The following ATRNL1 variants were observed in gnomAD, a reference collection of about 807,000 sequenced individuals.
ATRNL1 encodes the protein attractin-like protein 1.
Under a neutral mutation model 182.7 loss-of-function variants are expected in ATRNL1, and 95 were observed. The observed-to-expected ratio is 0.52, with a 90% CI of 0.44 to 0.62. The LOEUF is 0.62. ATRNL1 is among the 20% of genes least tolerant of loss of function. ATRNL1 has a pLI of 0.00. For synonymous variants in ATRNL1, 576 were observed against 568.3 expected, an observed-to-expected ratio of 1.01 and a Z score of -0.19; for missense variants, 1,471 against 1,679.5, an observed-to-expected ratio of 0.88 and a Z score of 2.17.
chr10:115,714,434 C>T (rs10885785), intron 26 of ATRNL1, among the ~76,000 whole-genome samples: 56,902 of 152,028 alleles, frequency 0.37, 11,543 homozygotes, highest in East Asian at 0.59. Context: ...CCACGTTCCT[C>T]CCGCTGCAAA....
chr10:115,148,385 AAAG>A (rs1296040173), intron 5 of ATRNL1, among the ~76,000 whole-genome samples: 3 of 152,164 alleles, frequency 2.0e-5, no homozygotes, highest in Non-Finnish European at 4.4e-5. Flanking sequence ...TATCATCAGC[AAAG>A]AGTGGCAATT....
At chr10:115,442,297 C>CTCTCTCTCTT (rs1385253722) in intron 21 of ATRNL1, among the ~76,000 whole-genome samples, 130 of 134,086 alleles carry the variant, frequency 9.7e-4, no homozygotes, top group African/African-American at 3.2e-3. Flanking sequence ...CTCTCTCTCT[C>CTCTCTCTCTT]TCTCTCTGTG....
chr10:115,481,203 A>G (rs1200912079), intron 24 of ATRNL1, among the ~76,000 whole-genome samples: 1 of 150,280 alleles, frequency 6.7e-6, no homozygotes, highest in Non-Finnish European at 1.5e-5. Context: ...TTTAGTTTTA[A>G]TATAATATTA....
chr10:115,842,384 GAAATTTT>G (rs782632964), intron 27 of ATRNL1, among the ~76,000 whole-genome samples: 2 of 152,062 alleles, frequency 1.3e-5, no homozygotes, highest in Non-Finnish European at 2.9e-5. Context: ...CTAAGGATTG[GAAATTTT>G]AAATTTCACC....
chr10:115,415,307 G>T (rs557080152), intron 20 of ATRNL1, among the ~76,000 whole-genome samples: 3 of 151,994 alleles, frequency 2.0e-5, no homozygotes, highest in Non-Finnish European at 4.4e-5. Flanking sequence ...TTTTCATGTG[G>T]TTAAGAGCCA....
At chr10:115,382,672 A>G (rs1858087435) in intron 19 of ATRNL1, among the ~76,000 whole-genome samples, 1 of 144,546 alleles carries the variant, frequency 6.9e-6, no homozygotes, top group South Asian at 2.1e-4. Context: ...CAGTCTGGAT[A>G]CTTTTAATTC....
chr10:115,435,270 C>T (rs374232295), intron 21 of ATRNL1, among the ~76,000 whole-genome samples: 8 of 152,140 alleles, frequency 5.3e-5, no homozygotes, highest in Admixed American at 2.6e-4. Flanking sequence ...CCGCCCTTCT[C>T]GGCCTCCCAA....
At chr10:115,693,336 T>C (rs1251044699) in intron 26 of ATRNL1, among the ~76,000 whole-genome samples, 1 of 152,150 alleles carries the variant, frequency 6.6e-6, no homozygotes, top group African/African-American at 2.4e-5. Flanking sequence ...CACTATTTCA[T>C]GTACGCAAAT....
chr10:115,311,988 A>G (rs7100002), intron 17 of ATRNL1, among the ~76,000 whole-genome samples: 8,500 of 151,854 alleles, frequency 0.056, 768 homozygotes, highest in African/African-American at 0.19. Context: ...CCTTGAGTCT[A>G]TAAGAATCTT....
intron 19 of ATRNL1, among the ~76,000 whole-genome samples, chr10:115,363,580 T>C (rs1554944962): frequency 6.7e-6 from 1 of 149,408 alleles, no homozygotes; most frequent in African/African-American, 2.4e-5. Flanking sequence ...GTTTTGGACA[T>C]GAAGTCCTTG....
intron 10 of ATRNL1, among the ~76,000 whole-genome samples, chr10:115,263,451 TA>T (rs1851475243): frequency 6.6e-6 from 1 of 151,776 alleles, no homozygotes; most frequent in Admixed American, 6.6e-5. Flanking sequence ...GGCAGTTTCT[TA>T]AAAAATTGAA....
chr10:115,775,044 T>G lies in ATRNL1; in HGVS notation c.3903+47689T>G, dbSNP rs193293848. Among the ~76,000 whole-genome samples the G allele has an allele frequency of 1.5e-3, 236 of 152,332 alleles. 1 individual carries two copies. The highest frequency in any genetic ancestry group is 2.2e-3 in the Non-Finnish European group (149 of 68,016). On this transcript the variant is annotated intron_variant, in intron 27 of 28. Coordinates refer to ENST00000355044, the MANE Select transcript of ATRNL1 (RefSeq NM_207303.4). ...AATGATCAGCTGTTAATTTTTAAGA[T>G]TATACTTTAGAAAATAATAAATCCT...
At chr10:115,919,918 C>T (rs1015274822) in intron 28 of ATRNL1, among the ~76,000 whole-genome samples, 14 of 152,104 alleles carry the variant, frequency 9.2e-5, no homozygotes, top group Non-Finnish European at 1.8e-4. Flanking sequence ...AGGGCTCCAC[C>T]CTCACGACCT....
intron 27 of ATRNL1, among the ~76,000 whole-genome samples, chr10:115,831,166 G>A (rs1190901693): frequency 3.3e-5 from 5 of 152,074 alleles, no homozygotes; most frequent in East Asian, 1.9e-4. Flanking sequence ...GGTATTTCCC[G>A]GTTTGCTTCC....
chr10:115,368,888 A>T (rs1857228737), intron 19 of ATRNL1, among the ~76,000 whole-genome samples: 1 of 151,840 alleles, frequency 6.6e-6, no homozygotes, highest in Non-Finnish European at 1.5e-5. Context: ...TAATTTTTGT[A>T]TATTTAGTAG....
intron 1 of ATRNL1, among the ~76,000 whole-genome samples, chr10:115,097,379 G>A (rs1564732119): frequency 7.9e-5 from 12 of 152,208 alleles, no homozygotes; most frequent in Admixed American, 7.9e-4. Context: ...ACAGCTACAA[G>A]AGAGAGTGAG....
intron 18 of ATRNL1, among the ~76,000 whole-genome samples, chr10:115,331,038 C>T: frequency 6.8e-6 from 1 of 147,960 alleles, no homozygotes; most frequent in Admixed American, 6.9e-5. Context: ...TCTGCTTTGT[C>T]ATTCTGCTAT....
chr10:115,135,273 AT>A (rs1457184763), intron 5 of ATRNL1, among the ~76,000 whole-genome samples: 1 of 152,170 alleles, frequency 6.6e-6, no homozygotes, highest in Non-Finnish European at 1.5e-5. Context: ...ACATGATTGT[AT>A]ATTTAGAAAA....
intron 27 of ATRNL1, among the ~76,000 whole-genome samples, chr10:115,752,522 T>G (rs2960636): frequency 0.95 from 144,497 of 152,060 alleles, 69,068 homozygotes; most frequent in East Asian, 1. Context: ...AAAGAACTGA[T>G]AATTGACCAT....
Sources: gnomAD v4.1 joint callset for allele counts (sites outside exome capture counted in the v4.1 genomes callset) on GRCh38, gnomAD v4.1.1 for gene constraint, MANE v1.5 for transcripts, NCBI Gene and HGNC (gene_info 2026-07-23, HGNC 2026-07-21) for gene names.